Variants in WDR73 observed in about 807,000 individuals in gnomAD.
The protein encoded by WDR73 is WD repeat domain 73.
Under a neutral mutation model 38.2 loss-of-function variants are expected in WDR73, and 30 were observed. The ratio of observed to expected loss-of-function variants is 0.79; its 90% CI spans 0.59 to 1.06. The LOEUF is 1.06. Among genes scored for constraint, WDR73 ranks in the 50% least tolerant of loss-of-function variants. The probability of loss-of-function intolerance (pLI) is 0.00; values close to 1 mark genes in which losing one functional copy is unlikely to be tolerated. For missense variants in WDR73, 487 were observed against 467.0 expected (o/e 1.04, Z -0.40); for synonymous variants, 197 against 176.0 (o/e 1.12, Z -0.94).
chr15:84,645,900 G>A, intron 6 of WDR73, 64 bp from the exon 7 acceptor site: 2 of 1,605,964 alleles, frequency 1.2e-6, no homozygotes, highest in South Asian at 1.1e-5. Context: ...ATTTGGCAGG[G>A]CTGGCTGGTC....
rs914741915 is a variant in WDR73 at position 84,648,613 on chromosome 15, C to T, written c.211G>A (p.Glu71Lys). 1 of 1,613,728 alleles carries T rather than the reference C, an allele frequency of 6.2e-7. No individual in the cohort carries two copies. Among genetic ancestry groups the T allele is most frequent in the Admixed American group, 1.7e-5 (1 of 60,024 alleles). Residue 71 changes from glutamate to lysine, a missense_variant, in exon 4 of 8, where the codon GAA (glutamate) becomes AAA (lysine). Physicochemically the swap from Glu to Lys is moderately conservative, Grantham distance 56. Coordinates refer to ENST00000434634, the MANE Select transcript of WDR73 (RefSeq NM_032856.5). ...CCATGGCGCACTTTGAAATCTCTTT[C>T]TGGGAATAAGCCCTAAAATACAAAG... ...SVKENKGLFP[E>K]RDFKVRHGGF...
At chr15:84,643,823 A>G (rs538280927) in intron 7 of WDR73, 100 bp from the exon 8 acceptor site, 27 of 1,373,146 alleles carry the variant, frequency 2.0e-5, no homozygotes, top group Admixed American at 2.8e-5. Context: ...CACCATGTTG[A>G]CCAGGATGGT....
At chr15:84,651,492 C>G (rs1415832156) in intron 3 of WDR73, among the ~76,000 whole-genome samples, 2 of 152,308 alleles carry the variant, frequency 1.3e-5, no homozygotes, top group South Asian at 2.1e-4. Context: ...TCAAGGTCAT[C>G]TGCCTGCATG....
At chr15:84,651,204 C>A (rs1179192090) in intron 3 of WDR73, among the ~76,000 whole-genome samples, 2 of 152,074 alleles carry the variant, frequency 1.3e-5, no homozygotes, top group Admixed American at 6.6e-5. Context: ...GCAGGCGGAT[C>A]ACTTGAAGCC....
Position 84,641,380 on chromosome 15 carries a change from T to A in WDR73, c.*2090A>T, listed in dbSNP as rs1315402316. ...AACCAGGCACTCAGTGCACCCAGTT[T>A]ACTATTCTGTGGTGTGGAAAGCACA... is the stretch of plus-strand genomic sequence containing the variant. On this transcript the variant is annotated 3_prime_UTR_variant, in exon 8 of 8. Coordinates refer to ENST00000434634, the MANE Select transcript of WDR73 (RefSeq NM_032856.5). 6.6e-6 allele frequency: 1 copy of A among 152,238 alleles called. No homozygotes were observed. Among genetic ancestry groups the A allele is most frequent in the Non-Finnish European group, 1.5e-5 (1 of 68,054 alleles). The allele number at this position is 152,238 out of a possible 1,614,324, so 9.4% of individuals were successfully genotyped here. A position where few individuals can be genotyped will look rare whatever the true frequency, so the allele number is the denominator to read the frequency against.
At position 84,647,679 on chromosome 15, in the gene WDR73, A is replaced by G. The variant is rs371149755; in HGVS notation, c.352+211T>C. 9 of 568,402 alleles carry G rather than the reference A, an allele frequency of 1.6e-5. No individual in the cohort carries two copies. In the African/African-American group the frequency reaches 1.7e-4, roughly 11 times the overall value. The allele number at this position is 568,402 out of a possible 1,614,324, so 35.2% of individuals were successfully genotyped here. A position where few individuals can be genotyped will look rare whatever the true frequency, so the allele number is the denominator to read the frequency against. ...GCCCGGCTAATTTTTTGTATTTTTA[A>G]TAGAGACAGGTTTCACCATGTTGTA... On this transcript the variant is annotated intron_variant, in intron 5 of 7. Coordinates refer to ENST00000434634, the MANE Select transcript of WDR73 (RefSeq NM_032856.5).
intron 3 of WDR73, among the ~76,000 whole-genome samples, chr15:84,650,371 C>CT (rs996774719): frequency 2.4e-5 from 2 of 83,594 alleles, no homozygotes; most frequent in Non-Finnish European, 4.6e-5. Flanking sequence ...TTTTCTTTTT[C>CT]TTTTTTTTGA....
In WDR73 at chr15:84,643,657, GTTCC is replaced by G; in HGVS notation, c.946_949del (p.Gly316HisfsTer5). 2.8e-6 allele frequency: 3 copies of G among 1,068,740 alleles called. No homozygotes were observed. Among genetic ancestry groups the G allele is most frequent in the Non-Finnish European group, 3.9e-6 (3 of 763,430 alleles). 66.2% of individuals were successfully genotyped at this position (1,068,740 alleles called of 1,614,324 possible). ...GAAGAGAGGTTCTACTTGGCTCCGT[GTTCC>G]ATCTTGGCTCCGTGTTCCATCCCAA... On this transcript the variant is annotated frameshift_variant, in exon 8 of 8. Transcript: ENST00000434634. LOFTEE classifies it high-confidence loss of function.
At position 84,653,639 on chromosome 15, in the gene WDR73, A is replaced by G. The variant is rs750375271; in HGVS notation, c.102T>C (p.Asp34=). Residue 34 remains aspartate, a synonymous_variant, in exon 2 of 8, where the codon GAT becomes GAC. Transcript: ENST00000434634. ...GCTAGAAAGGTATACCACCTTTGTCATCAATCCATTCAAGGACTCGAGTGG... is the reference window on the plus strand; with the variant it reads ...GCTAGAAAGGTATACCACCTTTGTCGTCAATCCATTCAAGGACTCGAGTGG... ...SGATRVLEWI[D]DKGVFVAGYE... 3.1e-6 allele frequency: 5 copies of G among 1,590,128 alleles called. No individual in the cohort carries two copies. The highest frequency in any genetic ancestry group is 2.6e-6 in the Non-Finnish European group (3 of 1,167,664).
At chr15:84,644,111 CTT>C (rs1896363717) in intron 7 of WDR73, 1 of 205,044 alleles carries the variant, frequency 4.9e-6, no homozygotes, top group Non-Finnish European at 9.9e-6. Context: ...AGTATTAGCT[CTT>C]TTAATCCTCA....
intron 1 of WDR73, chr15:84,653,943 A>G (rs965712430): frequency 2.3e-5 from 14 of 604,340 alleles, no homozygotes; most frequent in Non-Finnish European, 3.8e-5. Context: ...TGAGGAATCA[A>G]TGAGATCATC....
chr15:84,651,767 AT>A (rs1438790396), intron 3 of WDR73, among the ~76,000 whole-genome samples: 3 of 152,030 alleles, frequency 2.0e-5, no homozygotes, highest in Non-Finnish European at 4.4e-5. Flanking sequence ...CTTCCTCTTC[AT>A]TTTTAGTCTT....
chr15:84,643,770 T>A (rs1896350803), intron 7 of WDR73, 47 bp from the exon 8 acceptor site: 6 of 1,517,890 alleles, frequency 4.0e-6, no homozygotes, highest in Non-Finnish European at 5.3e-6. Flanking sequence ...CCTAATTTTA[T>A]TTTAAAATAA....
In WDR73 at chr15:84,639,399, C is replaced by T. The variant is rs1236322458; in HGVS notation, c.*4071G>A. ...TTTTCACTGAGCTTTCCCAAGAATC[C>T]CCCCAGAATTAAAAAAAAAAAATTA... On this transcript the variant is annotated 3_prime_UTR_variant, in exon 8 of 8. Coordinates refer to ENST00000434634, the MANE Select transcript of WDR73 (RefSeq NM_032856.5). The T allele has an allele frequency of 6.6e-6, 1 of 151,420 alleles. No individual in the cohort carries two copies. Among genetic ancestry groups the T allele is most frequent in the Non-Finnish European group, 1.5e-5 (1 of 67,866 alleles). The allele number at this position is 151,420 out of a possible 1,614,324, so 9.4% of individuals were successfully genotyped here. A position where few individuals can be genotyped will look rare whatever the true frequency, so the allele number is the denominator to read the frequency against.
chr15:84,649,729 C>T (rs1297937218), intron 3 of WDR73, among the ~76,000 whole-genome samples: 1 of 152,088 alleles, frequency 6.6e-6, no homozygotes, highest in Non-Finnish European at 1.5e-5. Flanking sequence ...CTCAGCCTCC[C>T]AAAGTGCTGG....
At position 84,641,524 on chromosome 15, in the gene WDR73, T is replaced by C. The variant is rs1186187727; in HGVS notation, c.*1946A>G. Reference sequence around the variant, plus strand: ...TGTTTATGATTTTATCTTTATTTTATTTTTTTTGAGATGGAGTCTCACCCT... The same window carrying C: ...TGTTTATGATTTTATCTTTATTTTACTTTTTTTGAGATGGAGTCTCACCCT... On this transcript the variant is annotated 3_prime_UTR_variant, in exon 8 of 8. Transcript: ENST00000434634. The C allele has an allele frequency of 6.6e-6, 1 of 152,072 alleles. No homozygotes were observed. Among genetic ancestry groups the C allele is most frequent in the Admixed American group, 6.6e-5 (1 of 15,264 alleles). 9.4% of individuals were successfully genotyped at this position (152,072 alleles called of 1,614,324 possible).
chr15:84,643,883 C>T, intron 7 of WDR73, 160 bp from the exon 8 acceptor site: 1 of 855,350 alleles, frequency 1.2e-6, no homozygotes. Flanking sequence ...TCCCAAAATG[C>T]TGGGATTACA....
At position 84,652,657 on chromosome 15, in the gene WDR73, C is replaced by A. The variant is rs1251452688; in HGVS notation, c.198+57G>T. ...TACCTGGTAGATAACAGGAGCTCCA[C>A]AAATGTTTAATAAATAAATAAAAGT... On this transcript the variant is annotated intron_variant, in intron 3 of 7. Coordinates refer to ENST00000434634, the MANE Select transcript of WDR73 (RefSeq NM_032856.5). 3 of 1,106,368 alleles carry A rather than the reference C, an allele frequency of 2.7e-6. No individual in the cohort carries two copies. In the South Asian group the frequency reaches 4.9e-5, roughly 18 times the overall value. 68.5% of individuals were successfully genotyped at this position (1,106,368 alleles called of 1,614,324 possible). A position where few individuals can be genotyped will look rare whatever the true frequency, so the allele number is the denominator to read the frequency against.
intron 5 of WDR73, chr15:84,646,730 A>G (rs1044070907): frequency 1.6e-5 from 3 of 186,542 alleles, no homozygotes; most frequent in African/African-American, 4.8e-5. Flanking sequence ...TCATGAACTG[A>G]TATTATTTCT....
Sources: gnomAD v4.1 joint callset for allele counts (sites outside exome capture counted in the v4.1 genomes callset) on GRCh38, gnomAD v4.1.1 for gene constraint, MANE v1.5 for transcripts, NCBI Gene and HGNC (gene_info 2026-07-23, HGNC 2026-07-21) for gene names.